Variants in XIRP2 observed in about 807,000 individuals in gnomAD.
XIRP2 encodes the protein xin actin binding repeat containing 2.
XIRP2 carries 236 observed loss-of-function variants against 277.0 expected under a neutral mutation model. The ratio of observed to expected loss-of-function variants is 0.85; its 90% CI spans 0.77 to 0.95. The LOEUF is 0.95. XIRP2 is among the 40% of genes least tolerant of loss of function. The pLI is 0.00. For missense variants in XIRP2, 4,640 were observed against 4,157.5 expected, an observed-to-expected ratio of 1.12 and a Z score of -3.19; for synonymous variants, 1,490 against 1,416.5, an observed-to-expected ratio of 1.05 and a Z score of -1.17.
chr2:167,153,397 T>G (rs970720878), intron 3 of XIRP2, among the ~76,000 whole-genome samples: 1 of 151,984 alleles, frequency 6.6e-6, no homozygotes, highest in African/African-American at 2.4e-5. Context: ...CTCAAAATTT[T>G]TTTTATTTTT....
intron 1 of XIRP2, among the ~76,000 whole-genome samples, chr2:166,889,209 A>G (rs1334679890): frequency 1.3e-5 from 2 of 152,190 alleles, no homozygotes; most frequent in Non-Finnish European, 2.9e-5. Context: ...AGGCACTCCA[A>G]CAAGGGTTCT....
At chr2:167,082,398 A>G (rs897120037) in intron 2 of XIRP2, among the ~76,000 whole-genome samples, 5 of 151,960 alleles carry the variant, frequency 3.3e-5, no homozygotes, top group African/African-American at 9.7e-5. Flanking sequence ...TAATGCCGCA[A>G]TAAACATACA....
intron 2 of XIRP2, among the ~76,000 whole-genome samples, chr2:167,043,848 A>G (rs1045277945): frequency 3.3e-5 from 5 of 152,066 alleles, no homozygotes; most frequent in African/African-American, 1.2e-4. Context: ...GTAAATATTC[A>G]GTATTATGAT....
chr2:166,932,174 T>C (rs1685359011), intron 2 of XIRP2, among the ~76,000 whole-genome samples: 1 of 152,050 alleles, frequency 6.6e-6, no homozygotes, highest in Non-Finnish European at 1.5e-5. Flanking sequence ...ATTATCATCT[T>C]CCTGTTTGTG....
chr2:167,095,912 T>TGCCCA (rs557807730), intron 2 of XIRP2, among the ~76,000 whole-genome samples: 2,258 of 136,150 alleles, frequency 0.017, 86 homozygotes, highest in African/African-American at 0.061. Flanking sequence ...CTCGCTCTGT[T>TGCCCA]GCCCAGGCTG....
At chr2:167,090,027 T>C (rs192343817) in intron 2 of XIRP2, among the ~76,000 whole-genome samples, 3 of 152,262 alleles carry the variant, frequency 2.0e-5, no homozygotes, top group East Asian at 1.9e-4. Flanking sequence ...GTTTAACTTA[T>C]CTTGTATTCT....
intron 2 of XIRP2, among the ~76,000 whole-genome samples, chr2:167,039,567 A>G (rs568321607): frequency 1.3e-5 from 2 of 152,140 alleles, no homozygotes; most frequent in Non-Finnish European, 2.9e-5. Flanking sequence ...ATGAATGAGT[A>G]CACACACACA....
intron 2 of XIRP2, among the ~76,000 whole-genome samples, chr2:166,957,262 GA>G (rs536889857): frequency 6.6e-6 from 1 of 151,606 alleles, no homozygotes; most frequent in African/African-American, 2.4e-5. Context: ...TTGTACAAGG[GA>G]AAAAATGTAG....
intron 3 of XIRP2, among the ~76,000 whole-genome samples, chr2:167,156,899 AC>A (rs1692219261): frequency 6.6e-6 from 1 of 152,130 alleles, no homozygotes; most frequent in African/African-American, 2.4e-5. Flanking sequence ...TCTCAGTCAA[AC>A]TTCAAGGATA....
At chr2:167,077,268 A>G (rs1689596383) in intron 2 of XIRP2, among the ~76,000 whole-genome samples, 1 of 152,172 alleles carries the variant, frequency 6.6e-6, no homozygotes, top group Admixed American at 6.5e-5. Context: ...GTCAGATTAC[A>G]TTTTAAAGCT....
intron 5 of XIRP2, among the ~76,000 whole-genome samples, chr2:167,234,584 A>C (rs1694848074): frequency 6.6e-6 from 1 of 151,736 alleles, no homozygotes; most frequent in Non-Finnish European, 1.5e-5. Flanking sequence ...CTTTCAAAGA[A>C]AAAAGTCACT....
At chr2:166,979,374 T>C (rs868118923) in intron 2 of XIRP2, among the ~76,000 whole-genome samples, 45 of 129,140 alleles carry the variant, frequency 3.5e-4, no homozygotes, top group African/African-American at 1.3e-3. Context: ...CTTTTCTTTT[T>C]TTTTTTTTTT....
intron 3 of XIRP2, among the ~76,000 whole-genome samples, chr2:167,192,010 T>C (rs1349897013): frequency 6.6e-6 from 1 of 152,204 alleles, no homozygotes; most frequent in Non-Finnish European, 1.5e-5. Context: ...ATGAGTTAAT[T>C]TGATAGTTAT....
chr2:167,091,196 A>G (rs1431483502), intron 2 of XIRP2, among the ~76,000 whole-genome samples: 3 of 151,902 alleles, frequency 2.0e-5, no homozygotes, highest in Non-Finnish European at 4.4e-5. Flanking sequence ...TATGTTTATC[A>G]TTCTTGGCTT....
intron 2 of XIRP2, among the ~76,000 whole-genome samples, chr2:166,946,932 A>G (rs892255786): frequency 1.3e-5 from 2 of 152,264 alleles, no homozygotes; most frequent in African/African-American, 4.8e-5. Context: ...TTTCATTGCT[A>G]TCAATTATCT....
chr2:167,253,554 G>T (rs561752800), intron 9 of XIRP2, among the ~76,000 whole-genome samples: 58 of 151,806 alleles, frequency 3.8e-4, no homozygotes, highest in African/African-American at 1.3e-3. Flanking sequence ...ATTTTAGAAA[G>T]ATCTATCTAA....
At chr2:167,101,565 A>G (rs148096086) in intron 2 of XIRP2, among the ~76,000 whole-genome samples, 1 of 152,298 alleles carries the variant, frequency 6.6e-6, no homozygotes, top group African/African-American at 2.4e-5. Flanking sequence ...GTGAGAACAC[A>G]CGATGTTTAG....
intron 2 of XIRP2, among the ~76,000 whole-genome samples, chr2:167,101,879 A>G (rs1298565497): frequency 6.6e-6 from 1 of 152,164 alleles, no homozygotes; most frequent in African/African-American, 2.4e-5. Flanking sequence ...TATATAGGAT[A>G]TTTGCATTCA....
At chr2:166,917,198 G>A (rs1684907653) in intron 2 of XIRP2, among the ~76,000 whole-genome samples, 1 of 152,086 alleles carries the variant, frequency 6.6e-6, no homozygotes, top group African/African-American at 2.4e-5. Context: ...AGCCTGCAGA[G>A]GTCCCACTGA....
Sources: allele counts gnomAD v4.1 joint callset (sites outside exome capture counted in the v4.1 genomes callset), GRCh38; gene constraint gnomAD v4.1.1; transcripts MANE v1.5; gene names NCBI Gene and HGNC (gene_info 2026-07-23, HGNC 2026-07-21).